The following CALCR variants were observed in gnomAD, a reference collection of about 807,000 sequenced individuals.
CALCR encodes calcitonin receptor.
In CALCR, 47 loss-of-function variants were observed where a neutral mutation model predicts 59.5. The observed-to-expected ratio is 0.79, with a 90% confidence interval of 0.63 to 1.01. The LOEUF (loss-of-function observed/expected upper bound fraction) is 1.01, where lower values mean the gene tolerates loss of function less well. Ranked by LOEUF, CALCR falls within the 50% of genes least tolerant of loss-of-function variation. The pLI, the probability that CALCR is intolerant of heterozygous loss-of-function variation, is 0.00. For synonymous variants in CALCR, 213 were observed against 211.3 expected (o/e 1.01, Z -0.07); for missense variants, 566 against 597.1 (o/e 0.95, Z 0.54).
chr7:93,472,697 A>G (rs1383709237), intron 5 of CALCR, among the ~76,000 whole-genome samples: 2 of 151,806 alleles, frequency 1.3e-5, no homozygotes, highest in African/African-American at 4.8e-5. Context: ...AGCCATGTGA[A>G]GTAGGCATTG....
intron 13 of CALCR, among the ~76,000 whole-genome samples, chr7:93,432,857 C>T (rs1294860444): frequency 1.3e-5 from 2 of 152,112 alleles, no homozygotes; most frequent in Non-Finnish European, 2.9e-5. Flanking sequence ...GATATAAACA[C>T]GGGGTGACTT....
At chr7:93,486,816 G>A (rs1385955918) in intron 3 of CALCR, 115 bp downstream of exon 3, 7 of 706,568 alleles carry the variant, frequency 9.9e-6, no homozygotes, top group South Asian at 1.7e-5. Flanking sequence ...ACTTAGTTTC[G>A]GCTTCTGGAG....
intron 2 of CALCR, among the ~76,000 whole-genome samples, chr7:93,522,482 T>C (rs1801785520): frequency 6.6e-6 from 1 of 152,192 alleles, no homozygotes; most frequent in Non-Finnish European, 1.5e-5. Context: ...CGTACCTACC[T>C]GTCTACCTAT....
At chr7:93,515,334 T>G (rs190616244) in intron 2 of CALCR, among the ~76,000 whole-genome samples, 6 of 152,104 alleles carry the variant, frequency 3.9e-5, no homozygotes, top group Admixed American at 3.9e-4. Flanking sequence ...CTCCTAGGCA[T>G]CATCAGTTGC....
intron 6 of CALCR, among the ~76,000 whole-genome samples, chr7:93,472,144 G>A (rs1800565302): frequency 6.6e-6 from 1 of 151,770 alleles, no homozygotes; most frequent in Non-Finnish European, 1.5e-5. Context: ...GACTGATTCT[G>A]TATGCTCACG....
chr7:93,506,545 C>T (rs1205654168), intron 2 of CALCR, among the ~76,000 whole-genome samples: 1 of 152,128 alleles, frequency 6.6e-6, no homozygotes, highest in Non-Finnish European at 1.5e-5. Context: ...CTAAATGGCC[C>T]TGTAGAAAAC....
chr7:93,486,569 T>C (rs934005095), intron 3 of CALCR, among the ~76,000 whole-genome samples: 3 of 151,578 alleles, frequency 2.0e-5, no homozygotes, highest in African/African-American at 7.3e-5. Flanking sequence ...ATTCAAATCA[T>C]AGTTTTGAAC....
At chr7:93,487,514 T>G (rs1800971605) in intron 2 of CALCR, among the ~76,000 whole-genome samples, 1 of 151,480 alleles carries the variant, frequency 6.6e-6, no homozygotes. Context: ...TTCTTTAAGC[T>G]TCAAGTTGCT....
At chr7:93,426,988 G>GA in intron 13 of CALCR, among the ~76,000 whole-genome samples, 1 of 152,294 alleles carries the variant, frequency 6.6e-6, no homozygotes, top group South Asian at 2.1e-4. Flanking sequence ...GTGTGCACAT[G>GA]AAAAATATAT....
intron 8 of CALCR, among the ~76,000 whole-genome samples, chr7:93,453,971 A>AT (rs1800158887): frequency 6.6e-6 from 1 of 152,068 alleles, no homozygotes; most frequent in African/African-American, 2.4e-5. Context: ...CCATTACCAC[A>AT]TCTTGGCATT....
At chr7:93,544,555 T>C (rs1395147387) in intron 2 of CALCR, among the ~76,000 whole-genome samples, 1 of 152,218 alleles carries the variant, frequency 6.6e-6, no homozygotes, top group African/African-American at 2.4e-5. Context: ...CCTTTATTTT[T>C]CTTTGTAAAT....
intron 2 of CALCR, among the ~76,000 whole-genome samples, chr7:93,541,366 G>A (rs895110399): frequency 3.3e-5 from 5 of 151,844 alleles, no homozygotes; most frequent in Non-Finnish European, 5.9e-5. Context: ...TTAGAGATGC[G>A]GTTTCACTAT....
intron 5 of CALCR, among the ~76,000 whole-genome samples, chr7:93,476,219 T>C (rs1227647397): frequency 6.6e-6 from 1 of 151,832 alleles, no homozygotes; most frequent in East Asian, 1.9e-4. Flanking sequence ...TGCTTCCTTG[T>C]TAAATTTTGC....
At chr7:93,466,664 C>T (rs910802995) in intron 7 of CALCR, among the ~76,000 whole-genome samples, 1 of 151,618 alleles carries the variant, frequency 6.6e-6, no homozygotes, top group African/African-American at 2.4e-5. Flanking sequence ...TGTTTTTCTT[C>T]CCCAGATTTA....
chr7:93,512,405 TAC>T (rs1051743757), intron 2 of CALCR, among the ~76,000 whole-genome samples: 1 of 152,146 alleles, frequency 6.6e-6, no homozygotes, highest in African/African-American at 2.4e-5. Context: ...TTTCTGACTG[TAC>T]AGCTCATGTT....
chr7:93,485,832 C>T (rs1800931130), intron 3 of CALCR, among the ~76,000 whole-genome samples: 1 of 151,376 alleles, frequency 6.6e-6, no homozygotes, highest in Non-Finnish European at 1.5e-5. Flanking sequence ...GACAAACTGA[C>T]AATAAAATAA....
rs567560525 is a variant in CALCR, at chr7:93,426,523, G to T, written c.1258C>A (p.Arg420Ser). The change falls in exon 14 of 14, where the codon CGC becomes AGC. Residue 420 changes from arginine to serine, a missense_variant. Arg to Ser is a moderately radical substitution (Grantham distance 110, BLOSUM62 -1). Transcript: ENST00000426151. ...GCGCGAGCAGAGCGGTTGGAGGGGC[G>T]CCTCCCCCAACGCTGGTTCCACTGA... ...KIQWNQRWGR[R>S]PSNRSARAAA... The T allele has an allele frequency of 1.2e-6, 2 of 1,613,284 alleles. No individual in the cohort carries two copies. The highest frequency in any genetic ancestry group is 2.2e-5 in the East Asian group (1 of 44,844).
rs527365285 is a variant in CALCR at position 93,568,649 on chromosome 7, T to C, written c.-27+5640A>G. Among the ~76,000 whole-genome samples the C allele has an allele frequency of 7.9e-5, 12 of 152,034 alleles. No individual in the cohort carries two copies. In the South Asian group the frequency reaches 1.5e-3, roughly 18 times the overall value. ...ATTGGTGCTTTCCAGGATTCTAAGATGTTTTACTTTTCTTTTAATTTTCTA... is the reference window on the plus strand; with the variant it reads ...ATTGGTGCTTTCCAGGATTCTAAGACGTTTTACTTTTCTTTTAATTTTCTA... On this transcript the variant is annotated intron_variant, in intron 2 of 13. Coordinates refer to ENST00000426151, the MANE Select transcript of CALCR (RefSeq NM_001742.4).
chr7:93,463,159 C>T (rs573272283), intron 7 of CALCR, among the ~76,000 whole-genome samples: 81 of 151,840 alleles, frequency 5.3e-4, no homozygotes, highest in South Asian at 4.8e-3. Context: ...TCTTCAGTTT[C>T]GTATTAACTA....
Sources: gnomAD v4.1 joint callset for allele counts (sites outside exome capture counted in the v4.1 genomes callset) on GRCh38, gnomAD v4.1.1 for gene constraint, MANE v1.5 for transcripts, NCBI Gene and HGNC (gene_info 2026-07-23, HGNC 2026-07-21) for gene names.